CRB1: variants seen among roughly 807,000 people sequenced by gnomAD.
CRB1 encodes protein crumbs homolog 1.
A neutral mutation model predicts 120.0 loss-of-function variants in CRB1; 83 were observed. That is an observed-to-expected ratio of 0.69 (90% confidence interval 0.58 to 0.83). The LOEUF (loss-of-function observed/expected upper bound fraction) is 0.83. Among genes scored for constraint, CRB1 ranks in the 40% least tolerant of loss-of-function variants. CRB1 has a pLI of 0.00. For missense variants in CRB1, 1,699 were observed against 1,687.6 expected, an observed-to-expected ratio of 1.01 and a Z score of -0.12; for synonymous variants, 625 against 612.5, an observed-to-expected ratio of 1.02 and a Z score of -0.30.
intron 11 of CRB1, among the ~76,000 whole-genome samples, chr1:197,460,038 T>C (rs1248490782): frequency 7.0e-6 from 1 of 142,792 alleles, no homozygotes; most frequent in Non-Finnish European, 1.5e-5. Context: ...CACTTGAATC[T>C]TTCTAAAGTT....
the CRB1 span, among the ~76,000 whole-genome samples, chr1:197,214,089 A>G: frequency 1.3e-5 from 2 of 152,224 alleles, no homozygotes; most frequent in East Asian, 3.9e-4. Context: ...AACGAAACTA[A>G]AAGTTGCGTG....
intron 5 of CRB1, among the ~76,000 whole-genome samples, chr1:197,399,745 G>C (rs1662967310): frequency 6.6e-6 from 1 of 152,082 alleles, no homozygotes; most frequent in South Asian, 2.1e-4. Flanking sequence ...TGGCTCAACA[G>C]GGAATTAGTC....
chr1:197,360,025 A>C (rs892905942), intron 5 of CRB1, among the ~76,000 whole-genome samples: 1 of 151,858 alleles, frequency 6.6e-6, no homozygotes, highest in African/African-American at 2.4e-5. Context: ...TAAGTATTTC[A>C]TTTTCTTTTG....
intron 5 of CRB1, among the ~76,000 whole-genome samples, chr1:197,401,717 G>A (rs977154296): frequency 5.9e-5 from 9 of 151,914 alleles, no homozygotes; most frequent in African/African-American, 2.2e-4. Flanking sequence ...TCTTCCCAAT[G>A]ATATTATAAT....
At chr1:197,217,838 T>C in the CRB1 span, among the ~76,000 whole-genome samples, 3 of 152,186 alleles carry the variant, frequency 2.0e-5, no homozygotes, top group African/African-American at 7.2e-5. Context: ...CTCAAAACAG[T>C]ATAAGAGACT....
intron 11 of CRB1, chr1:197,447,439 G>A (rs1255632286): frequency 1.3e-5 from 2 of 152,178 alleles, no homozygotes; most frequent in Non-Finnish European, 2.9e-5. Flanking sequence ...CTTTGTCATA[G>A]TCTGTTGGTT....
chr1:197,351,311 G>T (rs1660084198), intron 4 of CRB1, among the ~76,000 whole-genome samples: 1 of 134,746 alleles, frequency 7.4e-6, no homozygotes. Flanking sequence ...AGTGAGCCGA[G>T]ATCGCGCCAC....
intron 1 of CRB1, among the ~76,000 whole-genome samples, chr1:197,270,860 T>C (rs1654868044): frequency 6.6e-6 from 1 of 152,156 alleles, no homozygotes; most frequent in South Asian, 2.1e-4. Flanking sequence ...GTGATAATGC[T>C]TAAGCAGACT....
At chr1:197,229,076 C>A in the CRB1 span, among the ~76,000 whole-genome samples, 2 of 152,122 alleles carry the variant, frequency 1.3e-5, no homozygotes, top group East Asian at 3.9e-4. Flanking sequence ...GGTGGAGACA[C>A]AGAGGCAAAC....
At position 197,344,309 on chromosome 1, in the gene CRB1, A is replaced by C; in HGVS notation, c.681A>C (p.Glu227Asp). ...SGVNCELEID[E>D]CWSQPCLNGA... ...TAAACTGTGAATTGGAAATTGACGAATGTTGGTCCCAGCCTTGTTTAAATG... is the reference window on the plus strand; with the variant it reads ...TAAACTGTGAATTGGAAATTGACGACTGTTGGTCCCAGCCTTGTTTAAATG... The change falls in exon 3 of 12, where the codon GAA becomes GAC. Residue 227 changes from glutamate (E) to aspartate (D), a missense_variant. Glu to Asp is a conservative substitution (Grantham distance 45). Coordinates refer to ENST00000367400, the MANE Select transcript of CRB1 (RefSeq NM_201253.3). The C allele has an allele frequency of 6.2e-7, 1 of 1,614,152 alleles. No homozygotes were observed. The highest frequency in any genetic ancestry group is 8.5e-7 in the Non-Finnish European group (1 of 1,180,010).
At chr1:197,374,354 G>C (rs574230437) in intron 5 of CRB1, among the ~76,000 whole-genome samples, 1 of 152,192 alleles carries the variant, frequency 6.6e-6, no homozygotes, top group Admixed American at 6.5e-5. Flanking sequence ...CCTTTCTAAG[G>C]GGCTGGTGAC....
chr1:197,301,014 T>A (rs534714799), intron 1 of CRB1, among the ~76,000 whole-genome samples: 14 of 135,860 alleles, frequency 1.0e-4, no homozygotes, highest in Middle Eastern at 7.4e-3. Context: ...TGTTGACAGC[T>A]AATGCTCAGG....
At chr1:197,256,932 C>CGTGTGTGTGT in the CRB1 span, among the ~76,000 whole-genome samples, 747 of 141,494 alleles carry the variant, frequency 5.3e-3, 4 homozygotes, top group African/African-American at 0.018. Flanking sequence ...ATAGGATTTG[C>CGTGTGTGTGT]GTGTGTGTGT....
chr1:197,468,147 C>G (rs1666829989), intron 11 of CRB1, among the ~76,000 whole-genome samples: 1 of 152,052 alleles, frequency 6.6e-6, no homozygotes, highest in South Asian at 2.1e-4. Flanking sequence ...TTCCTTCAGC[C>G]TAAAACATAC....
chr1:197,371,262 C>T (rs1661355674), intron 5 of CRB1, among the ~76,000 whole-genome samples: 1 of 152,074 alleles, frequency 6.6e-6, no homozygotes, highest in African/African-American at 2.4e-5. Flanking sequence ...TAAATCAATC[C>T]TCTACCTTCT....
rs967135224 is a variant in CRB1, at chr1:197,463,672, G to T, written c.4006-13992G>T. Among the ~76,000 whole-genome samples, 18 of 152,148 alleles carry T rather than the reference G, an allele frequency of 1.2e-4. 1 individual carries two copies. On this transcript the variant is annotated intron_variant, in intron 11 of 11. Transcript: ENST00000367400. The stretch of plus-strand genomic sequence containing the variant: ...TGCTTAAATCATCTTTTAAATACAT[G>T]CAATAATCTCTATATCATTAGATTG...
At chr1:197,359,616 G>A (rs532015527) in intron 5 of CRB1, among the ~76,000 whole-genome samples, 3 of 152,128 alleles carry the variant, frequency 2.0e-5, no homozygotes, top group Admixed American at 6.5e-5. Context: ...AAATGCCCAG[G>A]AGTAAAATTG....
At chr1:197,444,947 G>A (rs1923758) in intron 11 of CRB1, 141,602 of 152,046 alleles carry the variant, frequency 0.93, 66,829 homozygotes, top group East Asian at 1. Context: ...CAGAAGTACT[G>A]GTACTGATCT....
At chr1:197,411,585 A>G (rs1361874976) in intron 5 of CRB1, among the ~76,000 whole-genome samples, 1 of 152,112 alleles carries the variant, frequency 6.6e-6, no homozygotes, top group Non-Finnish European at 1.5e-5. Context: ...CTTTATATCT[A>G]TTCCATTCTG....
Sources: gnomAD v4.1 joint callset for allele counts (sites outside exome capture counted in the v4.1 genomes callset) on GRCh38, gnomAD v4.1.1 for gene constraint, MANE v1.5 for transcripts, NCBI Gene and HGNC (gene_info 2026-07-23, HGNC 2026-07-21) for gene names.